Variants in BEST1 observed in about 807,000 individuals in gnomAD.
BEST1 encodes the protein bestrophin-1.
BEST1 carries 58 observed loss-of-function variants against 63.3 expected under a neutral mutation model. The ratio of observed to expected loss-of-function variants is 0.92; its 90% CI spans 0.74 to 1.14. The LOEUF (loss-of-function observed/expected upper bound fraction) is 1.14, where lower values mean the gene tolerates loss of function less well. Among genes scored for constraint, BEST1 ranks in the 50% most tolerant of loss-of-function variants. The probability of loss-of-function intolerance (pLI) is 0.00; values close to 1 mark genes in which losing one functional copy is unlikely to be tolerated. For missense variants in BEST1, 671 were observed against 740.1 expected, an observed-to-expected ratio of 0.91 and a Z score of 1.08; for synonymous variants, 283 against 291.6, an observed-to-expected ratio of 0.97 and a Z score of 0.30.
At chr11:61,963,161 C>T (rs545165008) in intron 10 of BEST1, 7 of 1,447,048 alleles carry the variant, frequency 4.8e-6, no homozygotes, top group Admixed American at 2.9e-5. Context: ...GTTGTGCTGA[C>T]CAGAATGCTG....
downstream of BEST1, chr11:61,964,903 T>C (rs1474984270): frequency 1.2e-6 from 2 of 1,611,880 alleles, no homozygotes; most frequent in South Asian, 2.2e-5. Context: ...TGCAAAACAA[T>C]GGGGAAGACA....
At chr11:61,956,195 T>C (rs977434675) in intron 4 of BEST1, among the ~76,000 whole-genome samples, 1 of 151,622 alleles carries the variant, frequency 6.6e-6, no homozygotes, top group Non-Finnish European at 1.5e-5. Context: ...CTAAGGACCC[T>C]TGAGGGATAA....
chr11:61,957,561 T>A, intron 6 of BEST1, 97 bp downstream of exon 6: 1 of 1,185,332 alleles, frequency 8.4e-7, no homozygotes, highest in Non-Finnish European at 1.3e-6. Context: ...AGAGGCTAAG[T>A]GGCTCCCCTG....
rs1455406627 is a variant in BEST1 at position 61,958,223 on chromosome 11, C to T, written c.792C>T (p.Tyr264=). The stretch of plus-strand genomic sequence containing the variant: ...AGTTTCTGAACCCAGCCAAGGCCTA[C>T]CCTGGCCATGAGCTGGACCTCGTTG... ...GRQFLNPAKA[Y]PGHELDLVVP... The change falls in exon 7 of 11, where the codon TAC becomes TAT. Residue 264 remains tyrosine (Y), a synonymous_variant. Coordinates refer to ENST00000378043, the MANE Select transcript of BEST1 (RefSeq NM_004183.4). 2.5e-6 allele frequency: 4 copies of T among 1,614,226 alleles called. No homozygotes were observed. Among genetic ancestry groups the T allele is most frequent in the Non-Finnish European group, 3.4e-6 (4 of 1,180,042 alleles).
chr11:61,955,633 G>A, intron 3 of BEST1, 85 bp from the exon 4 acceptor site: 1 of 1,401,242 alleles, frequency 7.1e-7, no homozygotes, highest in Non-Finnish European at 9.8e-7. Context: ...AAAGCTGGAG[G>A]AGCCGAGGCA....
intron 4 of BEST1, among the ~76,000 whole-genome samples, 199 bp downstream of exon 4, chr11:61,956,150 A>G (rs1941326287): frequency 6.6e-6 from 1 of 151,758 alleles, no homozygotes; most frequent in Admixed American, 6.6e-5. Context: ...CGAGGCCAGG[A>G]GCCCACCCTC....
chr11:61,964,046 GTATTTGAAATGAAGGGACCTTCCATACT>G, intron 10 of BEST1, 30 bp from the exon 11 acceptor site: 2 of 1,611,078 alleles, frequency 1.2e-6, no homozygotes, highest in Non-Finnish European at 1.7e-6. Context: ...CAACATTTTG[GTATTTGAAATGAAGGGACCTTCCATACT>G]TATGCTGTTA....
At position 61,962,272 on chromosome 11, in the gene BEST1, T is replaced by TG. The variant is rs766357080; in HGVS notation, c.1120dup (p.Glu374GlyfsTer27). On this transcript the variant is annotated frameshift_variant, in exon 10 of 11. Transcript: ENST00000378043. LOFTEE classifies it high-confidence loss of function. The stretch of plus-strand genomic sequence containing the variant: ...CTTTCCAGCCTGAACAAAGAGGAGA[T>TG]GGAGTTCCAGCCCAATCAGGAGGAC... 7 of 1,613,994 alleles carry TG rather than the reference T, an allele frequency of 4.3e-6. No homozygotes were observed. The highest frequency in any genetic ancestry group is 5.1e-6 in the Non-Finnish European group (6 of 1,180,000).
chr11:61,962,355 C>T lies in BEST1; in HGVS notation c.1201C>T (p.His401Tyr). Residue 401 changes from histidine (H) to tyrosine (Y), a missense_variant, in exon 10 of 11, where the codon CAC becomes TAC. Coordinates refer to ENST00000378043, the MANE Select transcript of BEST1 (RefSeq NM_004183.4). ...GRFLGLQSHD[H>Y]HPPRANSRTK... The stretch of plus-strand genomic sequence containing the variant: ...CTTCCTAGGCCTGCAGTCCCATGAT[C>T]ACCATCCTCCCAGGGCAAACTCAAG... 1 of 1,614,182 alleles carries T rather than the reference C, an allele frequency of 6.2e-7. No individual in the cohort carries two copies. The highest frequency in any genetic ancestry group is 1.1e-5 in the South Asian group (1 of 91,076).
intron 2 of BEST1, among the ~76,000 whole-genome samples, chr11:61,952,726 C>G (rs1940844883): frequency 2.0e-5 from 3 of 152,066 alleles, no homozygotes; most frequent in Non-Finnish European, 4.4e-5. Context: ...ATCCACCCAC[C>G]TCGGCCTCCC....
rs2134440541 is a variant in BEST1, at chr11:61,957,455, G to A, written c.705G>A (p.Val235=). Reference sequence around the variant, plus strand: ...ACGACTGGATTAGTATCCCACTGGTGTATACACAGGTGAGGACTAGGCTGG... The same window carrying A: ...ACGACTGGATTAGTATCCCACTGGTATATACACAGGTGAGGACTAGGCTGG... The part of the protein sequence containing the change: ...YAYDWISIPL[V]YTQVVTVAVY... The change falls in exon 6 of 11, where the codon GTG becomes GTA. Residue 235 remains valine, a synonymous_variant. Coordinates refer to ENST00000378043, the MANE Select transcript of BEST1 (RefSeq NM_004183.4). 1 of 1,614,132 alleles carries A rather than the reference G, an allele frequency of 6.2e-7. No homozygotes were observed. The highest frequency in any genetic ancestry group is 8.5e-7 in the Non-Finnish European group (1 of 1,179,970).
In BEST1 at chr11:61,962,442, A is replaced by G; in HGVS notation, c.1288A>G (p.Lys430Glu). Reference protein sequence around the residue: ...LLHEGLPKNHKAAKQNVRGQE... With the variant: ...LLHEGLPKNHEAAKQNVRGQE... ...CCACGAGGGCCTGCCCAAAAACCAC[A>G]AGGCAGCCAAACAGAACGTTAGGGG... Residue 430 changes from lysine (K) to glutamate (E), a missense_variant, in exon 10 of 11, where the codon AAG becomes GAG. Transcript: ENST00000378043. The G allele has an allele frequency of 1.2e-6, 2 of 1,614,208 alleles. No individual in the cohort carries two copies. Among genetic ancestry groups the G allele is most frequent in the Non-Finnish European group, 8.5e-7 (1 of 1,180,040 alleles).
In BEST1 at chr11:61,951,842, C is replaced by A. The variant is rs773151223; in HGVS notation, c.36C>A (p.Ala12=). ...TITYTSQVAN[A]RLGSFSRLLL... is the part of the protein sequence containing the mutation. The stretch of plus-strand genomic sequence containing the variant: ...CTTACACAAGCCAAGTGGCTAATGC[C>A]CGCTTAGGCTCCTTCTCCCGCCTGC... Residue 12 remains alanine (A), a synonymous_variant, in exon 2 of 11, where the codon GCC becomes GCA. Transcript: ENST00000378043. 9 of 1,613,498 alleles carry A rather than the reference C, an allele frequency of 5.6e-6. No individual in the cohort carries two copies. The highest frequency in any genetic ancestry group is 1.7e-5 in the Admixed American group (1 of 60,006).
chr11:61,959,716 C>G (rs1482947277), intron 8 of BEST1, 138 bp downstream of exon 8: 1 of 1,296,310 alleles, frequency 7.7e-7, no homozygotes, highest in East Asian at 2.5e-5. Flanking sequence ...CAGTCATTCA[C>G]TCACAGGATT....
chr11:61,963,569 G>A (rs570303168), intron 10 of BEST1: 17 of 1,025,320 alleles, frequency 1.7e-5, no homozygotes, highest in African/African-American at 1.0e-4. Flanking sequence ...CCCCAATCAC[G>A]TGGGAGGAAG....
downstream of BEST1, chr11:61,965,239 C>G: frequency 6.3e-7 from 1 of 1,593,962 alleles, no homozygotes; most frequent in East Asian, 2.2e-5. Flanking sequence ...GATGGTAAGC[C>G]TAAAAAAGCA....
chr11:61,956,035 C>G, intron 4 of BEST1, 84 bp downstream of exon 4: 1 of 1,327,066 alleles, frequency 7.5e-7, no homozygotes, highest in Non-Finnish European at 1.0e-6. Context: ...ATGGGTGGAG[C>G]CAAAGTCCCC....
chr11:61,951,895 A>G lies in BEST1; in HGVS notation c.89A>G (p.Lys30Arg), dbSNP rs281865218. The change falls in exon 2 of 11, where the codon AAG (lysine) becomes AGG (arginine). Residue 30 changes from lysine (K) to arginine (R), a missense_variant. Coordinates refer to ENST00000378043, the MANE Select transcript of BEST1 (RefSeq NM_004183.4). The part of the protein sequence containing the change: ...LLLCWRGSIY[K>R]LLYGEFLIFL... ...CTGTGCTGGCGGGGCAGCATCTACA[A>G]GCTGCTATATGGCGAGTTCTTAATC... 1 of 1,613,424 alleles carries G rather than the reference A, an allele frequency of 6.2e-7. No homozygotes were observed. Among genetic ancestry groups the G allele is most frequent in the African/African-American group, 1.3e-5 (1 of 74,910 alleles).
chr11:61,965,438 C>G, downstream of BEST1: 2 of 1,612,970 alleles, frequency 1.2e-6, no homozygotes, highest in Non-Finnish European at 1.7e-6. Flanking sequence ...CAGCATGTTC[C>G]CTCTCCTCAT....
Sources: gnomAD v4.1 joint callset for allele counts (sites outside exome capture counted in the v4.1 genomes callset) on GRCh38, gnomAD v4.1.1 for gene constraint, MANE v1.5 for transcripts, NCBI Gene and HGNC (gene_info 2026-07-23, HGNC 2026-07-21) for gene names.